The following ABCA13 variants were observed in gnomAD, a reference collection of about 807,000 sequenced individuals.
The protein encoded by ABCA13 is ATP-binding cassette sub-family A member 13.
A neutral mutation model predicts 478.7 loss-of-function variants in ABCA13; 476 were observed. The ratio of observed to expected loss-of-function variants is 0.99; its 90% CI spans 0.92 to 1.07. The LOEUF (loss-of-function observed/expected upper bound fraction) is 1.07, where lower values mean the gene tolerates loss of function less well. ABCA13 is among the 50% of genes least tolerant of loss of function. The pLI is 0.00. For missense variants in ABCA13, 6,060 were observed against 5,910.6 expected, an observed-to-expected ratio of 1.03 and a Z score of -0.83; for synonymous variants, 2,252 against 2,158.9, an observed-to-expected ratio of 1.04 and a Z score of -1.20.
In ABCA13 at chr7:48,262,790, A is replaced by G. The variant is rs574391608; in HGVS notation, c.2006-6190A>G. On this transcript the variant is annotated intron_variant, in intron 15 of 61. Transcript: ENST00000435803. ...GCAGATAACAATTTGAGTTGTTTGAACCAGAACTTGTGGAATGAGTGGAAT... is the reference window on the plus strand; with the variant it reads ...GCAGATAACAATTTGAGTTGTTTGAGCCAGAACTTGTGGAATGAGTGGAAT... Among the ~76,000 whole-genome samples the G allele has an allele frequency of 2.6e-5, 4 of 152,020 alleles. No homozygotes were observed. The South Asian group carries it at 8.3e-4, about 31-fold the overall frequency.
chr7:48,223,843 C>T (rs1393427058), intron 5 of ABCA13, among the ~76,000 whole-genome samples: 1 of 151,744 alleles, frequency 6.6e-6, no homozygotes. Context: ...CCTATAATCC[C>T]AGCTACTCGA....
intron 15 of ABCA13, among the ~76,000 whole-genome samples, chr7:48,265,853 G>T (rs774445105): frequency 6.6e-6 from 1 of 151,464 alleles, no homozygotes; most frequent in African/African-American, 2.4e-5. Context: ...TGGAAGAGGC[G>T]CATTTAATCT....
chr7:48,305,282 C>A (rs1800731875), intron 23 of ABCA13, among the ~76,000 whole-genome samples: 1 of 152,170 alleles, frequency 6.6e-6, no homozygotes, highest in Non-Finnish European at 1.5e-5. Context: ...GGATCCACCA[C>A]CTTGCCACAG....
Position 48,332,559 on chromosome 7 carries a change from T to C in ABCA13, c.10000-2863T>C, listed in dbSNP as rs943198112. On this transcript the variant is annotated intron_variant, in intron 27 of 61. Coordinates refer to ENST00000435803, the MANE Select transcript of ABCA13 (RefSeq NM_152701.5). ...TTCATAAAACTCATGGAAAACAGTA[T>C]GGTCTGTTGTATTCACCCACATTTC... is the stretch of plus-strand genomic sequence containing the variant. 3.3e-5 allele frequency among the ~76,000 whole-genome samples: 5 copies of C among 152,364 alleles called. No homozygotes were observed. The East Asian group carries it at 5.8e-4, about 18-fold the overall frequency.
At chr7:48,215,526 A>G (rs1207666990) in intron 3 of ABCA13, among the ~76,000 whole-genome samples, 1 of 152,188 alleles carries the variant, frequency 6.6e-6, no homozygotes, top group Non-Finnish European at 1.5e-5. Flanking sequence ...GAGAAATGGC[A>G]TTGATAGACT....
chr7:48,613,017 T>C (rs533319275), intron 58 of ABCA13, among the ~76,000 whole-genome samples: 1 of 152,310 alleles, frequency 6.6e-6, no homozygotes, highest in African/African-American at 2.4e-5. Flanking sequence ...TGGTTTATAT[T>C]TTATAATTTG....
At chr7:48,356,790 T>C (rs769309104) in intron 31 of ABCA13, among the ~76,000 whole-genome samples, 10 of 151,976 alleles carry the variant, frequency 6.6e-5, no homozygotes, top group Non-Finnish European at 1.0e-4. Flanking sequence ...GCAGTTATCA[T>C]AGAATAATTT....
rs539554276 is a variant in ABCA13, at chr7:48,331,185, A to G, written c.10000-4237A>G. The stretch of plus-strand genomic sequence containing the variant: ...TCACATTCTTTTAATATTTTCCTCT[A>G]TCTTAAAAGAAAGAATAGCTGCAAG... On this transcript the variant is annotated intron_variant, in intron 27 of 61. Transcript: ENST00000435803. 3.3e-5 allele frequency among the ~76,000 whole-genome samples: 5 copies of G among 152,346 alleles called. No individual in the cohort carries two copies. In the East Asian group the frequency reaches 5.8e-4, roughly 18 times the overall value.
At chr7:48,366,700 A>T (rs796575455) in intron 31 of ABCA13, among the ~76,000 whole-genome samples, 4 of 152,212 alleles carry the variant, frequency 2.6e-5, no homozygotes, top group African/African-American at 9.6e-5. Flanking sequence ...GAATCTATCA[A>T]TCCAGTATCC....
In ABCA13 at chr7:48,273,223, T is replaced by A. The variant is rs199793862; in HGVS notation, c.3557T>A (p.Leu1186Ter). 28 of 1,613,538 alleles carry A rather than the reference T, an allele frequency of 1.7e-5. No homozygotes were observed. The highest frequency in any genetic ancestry group is 2.4e-5 in the Non-Finnish European group (28 of 1,179,752). ...HHGFTQLLDE[L>*]EDDVKVSKSC... ...GGTTTCACTCAGCTTTTGGATGAATTGGAAGATGATGTGAAAGTCTCTAAA... is the reference window on the plus strand; with the variant it reads ...GGTTTCACTCAGCTTTTGGATGAATAGGAAGATGATGTGAAAGTCTCTAAA... Residue 1186 changes from leucine (L) to a stop codon, truncating the protein, a stop_gained, in exon 17 of 62, where the codon TTG becomes TAG. Coordinates refer to ENST00000435803, the MANE Select transcript of ABCA13 (RefSeq NM_152701.5). LOFTEE classifies it high-confidence loss of function.
At chr7:48,505,291 G>T (rs1478779199) in intron 48 of ABCA13, among the ~76,000 whole-genome samples, 2 of 152,130 alleles carry the variant, frequency 1.3e-5, no homozygotes, top group South Asian at 4.1e-4. Context: ...ATGCCTGGTC[G>T]CAAAGCTGTT....
At chr7:48,636,038 C>T (rs1794607122) in intron 59 of ABCA13, among the ~76,000 whole-genome samples, 1 of 152,130 alleles carries the variant, frequency 6.6e-6, no homozygotes, top group Non-Finnish European at 1.5e-5. Context: ...TGTACCTGCA[C>T]CTAAAGTGAC....
chr7:48,565,214 CTTTTTTTT>C (rs10559411), intron 55 of ABCA13, among the ~76,000 whole-genome samples: 8 of 113,774 alleles, frequency 7.0e-5, no homozygotes, highest in African/African-American at 2.0e-4. Context: ...ATTTAATGAG[CTTTTTTTT>C]TTTTTTTTTT....
At chr7:48,176,903 G>A (rs1016991957) in intron 1 of ABCA13, among the ~76,000 whole-genome samples, 9 of 152,126 alleles carry the variant, frequency 5.9e-5, no homozygotes, top group African/African-American at 2.2e-4. Flanking sequence ...TCAAACCTCA[G>A]AGCTTTTGTG....
chr7:48,430,672 T>TA (rs36121642), intron 42 of ABCA13, among the ~76,000 whole-genome samples: 82,708 of 122,650 alleles, frequency 0.67, 27,727 homozygotes, highest in African/African-American at 0.77. Flanking sequence ...AGACTCCGTC[T>TA]AAAAAAAAAA....
At chr7:48,391,695 T>A (rs562954150) in intron 37 of ABCA13, among the ~76,000 whole-genome samples, 34 of 152,262 alleles carry the variant, frequency 2.2e-4, no homozygotes, top group African/African-American at 8.2e-4. Context: ...CAAGGAGCAT[T>A]TTTATTTCAT....
chr7:48,489,375 C>G (rs754779825), intron 48 of ABCA13, 31 bp downstream of exon 48: 42 of 1,502,986 alleles, frequency 2.8e-5, no homozygotes, highest in Non-Finnish European at 3.5e-5. Context: ...TTGTAATTCA[C>G]TACTTTCAAA....
chr7:48,483,891 T>C (rs1465855687), intron 47 of ABCA13, among the ~76,000 whole-genome samples: 1 of 152,162 alleles, frequency 6.6e-6, no homozygotes, highest in African/African-American at 2.4e-5. Flanking sequence ...AAAGGGTAGA[T>C]TGTGGGAGGA....
intron 57 of ABCA13, among the ~76,000 whole-genome samples, chr7:48,588,695 A>C (rs1304863429): frequency 1.3e-5 from 2 of 152,234 alleles, no homozygotes; most frequent in African/African-American, 2.4e-5. Context: ...CAGTAAATAA[A>C]ATAAACTACA....
Sources: allele counts gnomAD v4.1 joint callset (sites outside exome capture counted in the v4.1 genomes callset), GRCh38; gene constraint gnomAD v4.1.1; transcripts MANE v1.5; gene names NCBI Gene and HGNC (gene_info 2026-07-23, HGNC 2026-07-21).